Variants in CAP2 observed in about 807,000 individuals in gnomAD.
The protein encoded by CAP2 is adenylyl cyclase-associated protein 2.
In CAP2, 24 loss-of-function variants were observed where a neutral mutation model predicts 57.7. That is an observed-to-expected ratio of 0.42 (90% confidence interval 0.30 to 0.58). CAP2 has a LOEUF of 0.58. CAP2 is among the 20% of genes least tolerant of loss of function. The probability of loss-of-function intolerance (pLI) is 0.22; values close to 1 mark genes in which losing one functional copy is unlikely to be tolerated. For synonymous variants in CAP2, 194 were observed against 207.2 expected, an observed-to-expected ratio of 0.94 and a Z score of 0.55; for missense variants, 501 against 590.3, an observed-to-expected ratio of 0.85 and a Z score of 1.57.
intron 11 of CAP2, among the ~76,000 whole-genome samples, chr6:17,545,048 A>G (rs998552977): frequency 6.6e-6 from 1 of 152,220 alleles, no homozygotes; most frequent in Admixed American, 6.5e-5. Flanking sequence ...GGGAGTTCCT[A>G]TGTAAAGAAA....
At chr6:17,482,000 C>T (rs1365029140) in intron 4 of CAP2, among the ~76,000 whole-genome samples, 1 of 152,174 alleles carries the variant, frequency 6.6e-6, no homozygotes, top group Non-Finnish European at 1.5e-5. Context: ...GTGGCTTTCT[C>T]TGGATTCTCA....
chr6:17,491,930 A>C (rs1377704473), intron 4 of CAP2, among the ~76,000 whole-genome samples: 1 of 152,258 alleles, frequency 6.6e-6, no homozygotes, highest in Non-Finnish European at 1.5e-5. Context: ...CAGGACTCTC[A>C]GATTTCTGCG....
intron 4 of CAP2, among the ~76,000 whole-genome samples, chr6:17,485,548 C>G (rs1241206023): frequency 6.6e-6 from 1 of 152,190 alleles, no homozygotes; most frequent in Admixed American, 6.5e-5. Context: ...CACCTCCCAC[C>G]CACTCATCTT....
chr6:17,436,783 C>T (rs1018865353), intron 3 of CAP2, among the ~76,000 whole-genome samples: 1 of 152,066 alleles, frequency 6.6e-6, no homozygotes, highest in Non-Finnish European at 1.5e-5. Context: ...GTCCCCATCC[C>T]TGTTAGGAAC....
At chr6:17,395,649 T>C (rs1758646415) in intron 1 of CAP2, among the ~76,000 whole-genome samples, 2 of 152,234 alleles carry the variant, frequency 1.3e-5, no homozygotes, top group South Asian at 4.1e-4. Context: ...CATTAACTTA[T>C]TTTGAGCATT....
At chr6:17,523,970 A>T (rs1255341603) in intron 7 of CAP2, among the ~76,000 whole-genome samples, 4 of 150,770 alleles carry the variant, frequency 2.7e-5, no homozygotes, top group African/African-American at 9.8e-5. Flanking sequence ...GCTACTCAGG[A>T]GGCTGAGGCA....
intron 4 of CAP2, among the ~76,000 whole-genome samples, chr6:17,481,139 C>A (rs539797183): frequency 6.6e-6 from 1 of 151,862 alleles, no homozygotes; most frequent in South Asian, 2.1e-4. Context: ...ATTTTTTAAT[C>A]CAGTCAATTA....
rs144392169 is a variant in CAP2, at chr6:17,541,973, C to G, written c.1002+825C>G. ...TGGACTGTTCACCATGTTTAACTGTCCAGCTCAGTGGCATTAAGTCTGTTC... is the reference window on the plus strand; with the variant it reads ...TGGACTGTTCACCATGTTTAACTGTGCAGCTCAGTGGCATTAAGTCTGTTC... On this transcript the variant is annotated intron_variant, in intron 9 of 12. Coordinates refer to ENST00000229922, the MANE Select transcript of CAP2 (RefSeq NM_006366.3). Among the ~76,000 whole-genome samples the G allele has an allele frequency of 1.2e-4, 18 of 152,250 alleles. No individual in the cohort carries two copies. The East Asian group carries it at 3.3e-3, about 28-fold the overall frequency.
intron 3 of CAP2, among the ~76,000 whole-genome samples, chr6:17,456,080 G>C (rs1760561813): frequency 1.3e-5 from 2 of 152,346 alleles, no homozygotes; most frequent in African/African-American, 4.8e-5. Context: ...ATTTAGGCCA[G>C]TGGTTTTGAA....
At chr6:17,394,422 C>T (rs1758620563) in intron 1 of CAP2, among the ~76,000 whole-genome samples, 1 of 152,108 alleles carries the variant, frequency 6.6e-6, no homozygotes, top group South Asian at 2.1e-4. Flanking sequence ...CAAAAATCAA[C>T]CTGCAGATGG....
In CAP2 at chr6:17,507,327, A is replaced by C; in HGVS notation, c.444+15A>C. 6.2e-7 allele frequency: 1 copy of C among 1,613,444 alleles called. No individual in the cohort carries two copies. Among genetic ancestry groups the C allele is most frequent in the Non-Finnish European group, 8.5e-7 (1 of 1,179,642 alleles). ...GGATAGCTGTGGTGAGTCCAGGTGC[A>C]ATGTTGCCTCTTCACCTCATCACAC... On this transcript the variant is annotated intron_variant, in intron 5 of 12. Transcript: ENST00000229922.
At chr6:17,501,039 T>G (rs1192405660) in intron 4 of CAP2, among the ~76,000 whole-genome samples, 1 of 152,236 alleles carries the variant, frequency 6.6e-6, no homozygotes, top group East Asian at 1.9e-4. Context: ...CTTTAATGCT[T>G]TTAAGTTTGA....
intron 6 of CAP2, among the ~76,000 whole-genome samples, chr6:17,508,460 C>A (rs1440165584): frequency 2.6e-5 from 4 of 152,170 alleles, no homozygotes; most frequent in Non-Finnish European, 5.9e-5. Context: ...GAGATTCCAA[C>A]CCCTCTGATA....
rs191811847 is a variant in CAP2, at chr6:17,408,859, C to T, written c.-1-12696C>T. On this transcript the variant is annotated intron_variant, in intron 1 of 12. Transcript: ENST00000229922. ...TAATTTTTTGTATTTTTAATAGAGA[C>T]GGGGTTTCACCATGTTAGCCAGGAT... 5.6e-3 allele frequency among the ~76,000 whole-genome samples: 844 copies of T among 151,186 alleles called. 9 individuals are homozygous for T. Among genetic ancestry groups the T allele is most frequent in the East Asian group, 0.049 (243 of 4,918 alleles).
intron 1 of CAP2, among the ~76,000 whole-genome samples, chr6:17,397,539 C>G (rs1252860383): frequency 1.3e-5 from 2 of 151,444 alleles, no homozygotes; most frequent in South Asian, 2.1e-4. Context: ...CTAAAAAATA[C>G]AAAAAATTAG....
chr6:17,410,559 T>A (rs990661354), intron 1 of CAP2, among the ~76,000 whole-genome samples: 7 of 151,934 alleles, frequency 4.6e-5, no homozygotes, highest in Admixed American at 2.6e-4. Flanking sequence ...AACAGCAAAG[T>A]TACTCAGATT....
intron 3 of CAP2, among the ~76,000 whole-genome samples, chr6:17,437,680 CA>C (rs1561783254): frequency 6.6e-6 from 1 of 151,758 alleles, no homozygotes; most frequent in Non-Finnish European, 1.5e-5. Flanking sequence ...AGATCAAGAC[CA>C]GTCTGGCCAA....
intron 7 of CAP2, among the ~76,000 whole-genome samples, chr6:17,529,844 A>G (rs1332815695): frequency 6.6e-6 from 1 of 151,598 alleles, no homozygotes; most frequent in Non-Finnish European, 1.5e-5. Context: ...ACACAAGGCC[A>G]TTTGGGATTC....
chr6:17,470,166 C>G lies in CAP2; in HGVS notation c.300+7093C>G, dbSNP rs910253227. On this transcript the variant is annotated intron_variant, in intron 4 of 12. Coordinates refer to ENST00000229922, the MANE Select transcript of CAP2 (RefSeq NM_006366.3). ...ATCTATGTCTTCTAAGTTTGAGAATCTTCTATCTTTTTCTCGGTATCTACT... is the reference window on the plus strand; with the variant it reads ...ATCTATGTCTTCTAAGTTTGAGAATGTTCTATCTTTTTCTCGGTATCTACT... Among the ~76,000 whole-genome samples the G allele has an allele frequency of 3.3e-5, 5 of 152,176 alleles. No homozygotes were observed. In the East Asian group the frequency reaches 9.6e-4, roughly 29 times the overall value.
Sources: allele counts gnomAD v4.1 joint callset (sites outside exome capture counted in the v4.1 genomes callset), GRCh38; gene constraint gnomAD v4.1.1; transcripts MANE v1.5; gene names NCBI Gene and HGNC (gene_info 2026-07-23, HGNC 2026-07-21).